The following PPME1 variants were observed in gnomAD, a reference collection of about 807,000 sequenced individuals.
PPME1 encodes testicular secretory protein Li 39.
Under a neutral mutation model 56.9 loss-of-function variants are expected in PPME1, and 17 were observed. That is an observed-to-expected ratio of 0.30 (90% CI 0.20 to 0.45). PPME1 has a LOEUF of 0.45. Ranked by LOEUF, PPME1 falls within the 20% of genes least tolerant of loss-of-function variation. The pLI is 1.00. For synonymous variants in PPME1, 122 were observed against 156.2 expected, an observed-to-expected ratio of 0.78 and a Z score of 1.63; for missense variants, 357 against 483.2, an observed-to-expected ratio of 0.74 and a Z score of 2.45.
At chr11:74,193,467 C>T (rs1857897055) in intron 1 of PPME1, among the ~76,000 whole-genome samples, 1 of 152,186 alleles carries the variant, frequency 6.6e-6, no homozygotes, top group African/African-American at 2.4e-5. Context: ...TGCAGATAAT[C>T]CAAAATTAAA....
intron 13 of PPME1, chr11:74,252,391 C>T: frequency 2.2e-6 from 1 of 453,896 alleles, no homozygotes; most frequent in South Asian, 1.6e-5. Flanking sequence ...GCCACCGCGC[C>T]TGGCCTAGAG....
intron 3 of PPME1, among the ~76,000 whole-genome samples, chr11:74,209,433 C>A (rs985926491): frequency 3.3e-5 from 5 of 152,090 alleles, no homozygotes; most frequent in Non-Finnish European, 4.4e-5. Flanking sequence ...CAACATTTAC[C>A]CCACGCACAT....
At chr11:74,208,604 G>A (rs1179524087) in intron 3 of PPME1, among the ~76,000 whole-genome samples, 1 of 152,180 alleles carries the variant, frequency 6.6e-6, no homozygotes, top group Non-Finnish European at 1.5e-5. Flanking sequence ...AGATAGATGG[G>A]TATAATACCT....
chr11:74,239,460 G>A (rs79110429), intron 9 of PPME1, among the ~76,000 whole-genome samples: 7,128 of 151,974 alleles, frequency 0.047, 256 homozygotes, highest in African/African-American at 0.098. Flanking sequence ...TAAAACTTAC[G>A]CTATATACCC....
chr11:74,222,920 A>G (rs1404759634), intron 4 of PPME1, among the ~76,000 whole-genome samples: 1 of 151,640 alleles, frequency 6.6e-6, no homozygotes, highest in Non-Finnish European at 1.5e-5. Flanking sequence ...AATGTCCTTT[A>G]AAGTCAAATT....
intron 3 of PPME1, 116 bp downstream of exon 3, chr11:74,204,561 G>GTCTGTGTGTAT: frequency 2.4e-6 from 2 of 821,870 alleles, no homozygotes; most frequent in Non-Finnish European, 4.0e-6. Context: ...TGCTATTCCA[G>GTCTGTGTGTAT]GCATACACAC....
At chr11:74,243,814 A>G (rs566466848) in intron 9 of PPME1, among the ~76,000 whole-genome samples, 7 of 151,640 alleles carry the variant, frequency 4.6e-5, no homozygotes, top group African/African-American at 1.2e-4. Flanking sequence ...ATAAAAAACA[A>G]AAACAAAACA....
At chr11:74,224,711 G>C (rs1214674778) in intron 4 of PPME1, among the ~76,000 whole-genome samples, 8 of 149,294 alleles carry the variant, frequency 5.4e-5, no homozygotes, top group Admixed American at 5.3e-4. Context: ...AAGCAATTGT[G>C]AATGGGAGTT....
intron 1 of PPME1, among the ~76,000 whole-genome samples, chr11:74,180,096 G>A (rs1482424270): frequency 6.6e-6 from 1 of 152,146 alleles, no homozygotes; most frequent in Non-Finnish European, 1.5e-5. Flanking sequence ...CTTGGTTATT[G>A]TTCTCTAGGC....
At position 74,171,300 on chromosome 11, in the gene PPME1, C is replaced by T; in HGVS notation, c.-122C>T. ...GGGCGGTAGGCGGTGCTACGGGTAG[C>T]TGGGTGCTGTCCAAAGGCGACAGGG... On this transcript the variant is annotated 5_prime_UTR_variant, in exon 1 of 14. Transcript: ENST00000328257. The T allele has an allele frequency of 6.6e-7, 1 of 1,507,950 alleles. No homozygotes were observed. Among genetic ancestry groups the T allele is most frequent in the South Asian group, 1.3e-5 (1 of 78,424 alleles). 93.4% of individuals were successfully genotyped at this position (1,507,950 alleles called of 1,614,324 possible).
chr11:74,174,003 C>T lies in PPME1; in HGVS notation c.101+2481C>T, dbSNP rs181877802. On this transcript the variant is annotated intron_variant, in intron 1 of 13. Coordinates refer to ENST00000328257, the MANE Select transcript of PPME1 (RefSeq NM_016147.3). ...GTGGTCCTCAAATGGCTTATTTTCCCGTATCTTTCTTTTCTACTTTATTGG... is the reference window on the plus strand; with the variant it reads ...GTGGTCCTCAAATGGCTTATTTTCCTGTATCTTTCTTTTCTACTTTATTGG... Among the ~76,000 whole-genome samples, 69 of 152,226 alleles carry T rather than the reference C, an allele frequency of 4.5e-4. 2 individuals are homozygous for T. Among genetic ancestry groups the T allele is most frequent in the Admixed American group, 9.8e-4 (15 of 15,288 alleles).
rs1859045104 is a variant in PPME1, at chr11:74,230,742, TAAAG to T, written c.554-167_554-164del. Reference sequence around the variant, plus strand: ...TCCTCTTCAGTGTGAGGGCATGACATAAAGAAGTGAATACCCCAGAGGCAAAAAT... The same window carrying T: ...TCCTCTTCAGTGTGAGGGCATGACATAAGTGAATACCCCAGAGGCAAAAAT... On this transcript the variant is annotated intron_variant, in intron 6 of 13. Coordinates refer to ENST00000328257, the MANE Select transcript of PPME1 (RefSeq NM_016147.3). This position sits in a 1 kb window ranked among gnomAD's most constrained non-coding sequence, Gnocchi z 4.9. 3.2e-6 allele frequency: 2 copies of T among 628,170 alleles called. No homozygotes were observed. The highest frequency in any genetic ancestry group is 5.5e-6 in the Non-Finnish European group (2 of 360,556). The allele number at this position is 628,170 out of a possible 1,614,324, so 38.9% of individuals were successfully genotyped here.
At chr11:74,236,134 G>A (rs940944619) in intron 8 of PPME1, 168 bp downstream of exon 8, 8 of 1,135,304 alleles carry the variant, frequency 7.0e-6, no homozygotes, top group South Asian at 4.0e-5. Context: ...ATTTTCTTTC[G>A]CCTGCCTTCC....
intron 3 of PPME1, among the ~76,000 whole-genome samples, chr11:74,209,109 G>T (rs957862550): frequency 6.6e-6 from 1 of 151,920 alleles, no homozygotes; most frequent in African/African-American, 2.4e-5. Flanking sequence ...ATTTTTGTTT[G>T]TTTGCTTTTG....
In PPME1 at chr11:74,235,954, GC is replaced by G; in HGVS notation, c.700del (p.Gln234LysfsTer17). ...GAGTCTGCCCGTGTCTCAATGGTTG[GC>G]CAAGTCAAACAGTAGGTCTTACTCT... ...NLESARVSMV[G>X]QVKQCEGITS... is the part of the protein sequence containing the mutation. On this transcript the variant is annotated frameshift_variant, in exon 8 of 14. Coordinates refer to ENST00000328257, the MANE Select transcript of PPME1 (RefSeq NM_016147.3). LOFTEE classifies it high-confidence loss of function. 6.2e-7 allele frequency: 1 copy of G among 1,612,398 alleles called. No homozygotes were observed. Among genetic ancestry groups the G allele is most frequent in the Non-Finnish European group, 8.5e-7 (1 of 1,179,286 alleles).
intron 3 of PPME1, among the ~76,000 whole-genome samples, chr11:74,206,756 A>G (rs1858337542): frequency 6.6e-6 from 1 of 152,072 alleles, no homozygotes. Flanking sequence ...TTGTAGAGAC[A>G]GGGTCTCACT....
At chr11:74,195,358 G>C (rs183142188) in intron 1 of PPME1, among the ~76,000 whole-genome samples, 163 of 152,162 alleles carry the variant, frequency 1.1e-3, no homozygotes, top group African/African-American at 3.7e-3. Context: ...GCCTGTTTTT[G>C]AACACTATTA....
intron 3 of PPME1, among the ~76,000 whole-genome samples, chr11:74,206,974 A>G (rs1323839532): frequency 2.0e-5 from 3 of 152,168 alleles, no homozygotes; most frequent in Non-Finnish European, 2.9e-5. Context: ...TAATACTATG[A>G]GATTAGCCAG....
chr11:74,172,453 G>T (rs971825160), intron 1 of PPME1, among the ~76,000 whole-genome samples: 2 of 152,216 alleles, frequency 1.3e-5, no homozygotes, highest in Non-Finnish European at 2.9e-5. Flanking sequence ...TTTTTGCTGG[G>T]CTAGTAGATC....
Sources: allele counts gnomAD v4.1 joint callset (sites outside exome capture counted in the v4.1 genomes callset), GRCh38; gene constraint gnomAD v4.1.1; non-coding constraint Gnocchi (gnomAD v3.1); transcripts MANE v1.5; gene names NCBI Gene and HGNC (gene_info 2026-07-23, HGNC 2026-07-21).